The following PHYH variants were observed in gnomAD, a reference collection of about 807,000 sequenced individuals.
The protein encoded by PHYH is phytanoyl-CoA 2-hydroxylase, also known as phytanoyl-CoA dioxygenase, peroxisomal.
In PHYH, 32 loss-of-function variants were observed where a neutral mutation model predicts 38.5. That is an observed-to-expected ratio of 0.83 (90% CI 0.63 to 1.12). The LOEUF (loss-of-function observed/expected upper bound fraction) is 1.12. Ranked by LOEUF, PHYH falls within the 50% of genes most tolerant of loss-of-function variation. The probability of loss-of-function intolerance (pLI) is 0.00; values close to 1 mark genes in which losing one functional copy is unlikely to be tolerated. For missense variants in PHYH, 426 were observed against 434.8 expected (o/e 0.98, Z 0.18); for synonymous variants, 166 against 157.9 (o/e 1.05, Z -0.38).
At chr10:13,279,932 C>T (rs1007452676) in intron 8 of PHYH, among the ~76,000 whole-genome samples, 3 of 152,126 alleles carry the variant, frequency 2.0e-5, no homozygotes, top group Non-Finnish European at 2.9e-5. Flanking sequence ...TTCAGAGATG[C>T]GACACATTTC....
intron 6 of PHYH, among the ~76,000 whole-genome samples, chr10:13,285,069 C>A (rs1564422135): frequency 6.6e-6 from 1 of 152,192 alleles, no homozygotes; most frequent in Non-Finnish European, 1.5e-5. Flanking sequence ...AAACTTTAAA[C>A]CTTGGCTTCA....
intron 5 of PHYH, among the ~76,000 whole-genome samples, chr10:13,290,650 C>T (rs184039463): frequency 4.1e-4 from 63 of 152,220 alleles, no homozygotes; most frequent in Admixed American, 1.1e-3. Context: ...ATCCTCCCCC[C>T]GCAGCCTCCT....
chr10:13,278,530 TACTC>T (rs1257597323), intron 8 of PHYH, among the ~76,000 whole-genome samples, 176 bp from the exon 9 acceptor site: 3 of 152,140 alleles, frequency 2.0e-5, no homozygotes, highest in African/African-American at 7.2e-5. Context: ...TTAAACTACT[TACTC>T]AACTCTTTTT....
intron 6 of PHYH, among the ~76,000 whole-genome samples, chr10:13,284,974 A>G (rs1471394325): frequency 1.3e-5 from 2 of 152,142 alleles, no homozygotes; most frequent in Non-Finnish European, 2.9e-5. Context: ...TGAGCAGGGT[A>G]TCTGAGACTC....
At chr10:13,296,288 A>T (rs1293702103) in intron 2 of PHYH, among the ~76,000 whole-genome samples, 1 of 85,906 alleles carries the variant, frequency 1.2e-5, no homozygotes, top group African/African-American at 3.4e-5. Context: ...AAACAAGTGC[A>T]TTAGTGGGCC....
chr10:13,287,736 T>C (rs1271232181), intron 6 of PHYH, among the ~76,000 whole-genome samples: 5 of 152,224 alleles, frequency 3.3e-5, no homozygotes, highest in Non-Finnish European at 7.3e-5. Context: ...TTCCTTACTC[T>C]GAGAGCCATC....
chr10:13,291,351 A>C (rs1835706142), intron 5 of PHYH: 1 of 175,424 alleles, frequency 5.7e-6, no homozygotes, highest in African/African-American at 2.4e-5. Context: ...TCCTACAGTT[A>C]ATATCTGAAA....
intron 5 of PHYH, among the ~76,000 whole-genome samples, chr10:13,291,278 T>C (rs1835704727): frequency 6.6e-6 from 1 of 152,170 alleles, no homozygotes; most frequent in South Asian, 2.1e-4. Flanking sequence ...CTTTGATATA[T>C]GAACAGTTAT....
intron 2 of PHYH, 54 bp from the exon 3 acceptor site, chr10:13,295,660 GCA>G (rs1835829724): frequency 1.2e-6 from 1 of 812,228 alleles, no homozygotes; most frequent in African/African-American, 1.7e-5. Flanking sequence ...TACAGGCTAG[GCA>G]CAATGGCTCA....
chr10:13,294,321 G>C, intron 4 of PHYH, 107 bp downstream of exon 4: 4 of 984,890 alleles, frequency 4.1e-6, no homozygotes, highest in African/African-American at 3.2e-5. Context: ...CTCCCACAGT[G>C]CTCGGATTAC....
intron 6 of PHYH, among the ~76,000 whole-genome samples, chr10:13,286,073 A>AATT (rs1243246418): frequency 1.2e-4 from 18 of 151,782 alleles, no homozygotes; most frequent in South Asian, 6.2e-4. Flanking sequence ...ATGCCCAGCT[A>AATT]ATTATTATTA....
intron 1 of PHYH, chr10:13,299,532 C>G: frequency 9.9e-7 from 1 of 1,007,216 alleles, no homozygotes; most frequent in Non-Finnish European, 1.2e-6. Context: ...CGGGAGGGCA[C>G]CGTCCTCTCC....
intron 6 of PHYH, 127 bp from the exon 7 acceptor site, chr10:13,283,966 G>T: frequency 1.1e-6 from 1 of 885,144 alleles, no homozygotes; most frequent in East Asian, 2.4e-5. Context: ...AGAAATAAAT[G>T]TCTAAATTAA....
At position 13,278,250 on chromosome 10, in the gene PHYH, A is replaced by G; in HGVS notation, c.*51T>C. 8.2e-7 allele frequency: 1 copy of G among 1,213,152 alleles called. No homozygotes were observed. The highest frequency in any genetic ancestry group is 1.2e-6 in the Non-Finnish European group (1 of 814,236). The allele number at this position is 1,213,152 out of a possible 1,614,324, so 75.1% of individuals were successfully genotyped here. A position where few individuals can be genotyped will look rare whatever the true frequency, so the allele number is the denominator to read the frequency against. The stretch of plus-strand genomic sequence containing the variant: ...CATTAAGAAAACATTTTCCTTAGAC[A>G]TTTCGTTTGGTTTTGGTTTTCTGTT... On this transcript the variant is annotated 3_prime_UTR_variant, in exon 9 of 9. Transcript: ENST00000263038.
At chr10:13,299,106 G>A (rs940053030) in intron 1 of PHYH, among the ~76,000 whole-genome samples, 3 of 145,702 alleles carry the variant, frequency 2.1e-5, no homozygotes, top group Admixed American at 7.1e-5. Context: ...CTCCAGCCTG[G>A]GTGACAGAGT....
chr10:13,292,590 G>A lies in PHYH; in HGVS notation c.415-678C>T, dbSNP rs563613842. 3.4e-4 allele frequency among the ~76,000 whole-genome samples: 52 copies of A among 152,230 alleles called. No homozygotes were observed. The South Asian group carries it at 6.0e-3, about 18-fold the overall frequency. On this transcript the variant is annotated intron_variant, in intron 4 of 8. Coordinates refer to ENST00000263038, the MANE Select transcript of PHYH (RefSeq NM_006214.4). Reference sequence around the variant, plus strand: ...CGTGGGGCCTGGGAGCTGGGCTGCCGCTACCTTGTGTACAGAACCCAGCAA... The same window carrying A: ...CGTGGGGCCTGGGAGCTGGGCTGCCACTACCTTGTGTACAGAACCCAGCAA...
At chr10:13,299,380 A>G (rs752950743) in intron 1 of PHYH, 4 of 972,804 alleles carry the variant, frequency 4.1e-6, no homozygotes, top group Non-Finnish European at 5.0e-6. Flanking sequence ...AGAAGAGCCG[A>G]GACAACAGGC....
At chr10:13,294,952 A>G (rs11258312) in intron 3 of PHYH, 70,780 of 353,784 alleles carry the variant, frequency 0.2, 7,582 homozygotes, top group East Asian at 0.32. Context: ...ACACTAGGAC[A>G]TAAGTGCTAT....
chr10:13,292,452 A>C (rs495166), intron 4 of PHYH, among the ~76,000 whole-genome samples: 147,550 of 152,268 alleles, frequency 0.97, 71,663 homozygotes, highest in Middle Eastern at 1. Context: ...AGGTCCCAGG[A>C]GTTAGATGAA....
Sources: gnomAD v4.1 joint callset for allele counts (sites outside exome capture counted in the v4.1 genomes callset) on GRCh38, gnomAD v4.1.1 for gene constraint, MANE v1.5 for transcripts, NCBI Gene and HGNC (gene_info 2026-07-23, HGNC 2026-07-21) for gene names.